The following WDR48 variants were observed in gnomAD, a reference collection of about 807,000 sequenced individuals.
WDR48 encodes the protein WD repeat domain 48, also known as WD repeat-containing protein 48.
Under a neutral mutation model 94.0 loss-of-function variants are expected in WDR48, and 22 were observed. That is an observed-to-expected ratio of 0.23 (90% CI 0.17 to 0.33). WDR48 has a LOEUF of 0.33. Ranked by LOEUF, WDR48 falls within the 10% of genes least tolerant of loss-of-function variation. The pLI, the probability that WDR48 is intolerant of heterozygous loss-of-function variation, is 1.00. For synonymous variants in WDR48, 278 were observed against 280.5 expected, an observed-to-expected ratio of 0.99 and a Z score of 0.09; for missense variants, 541 against 813.8, an observed-to-expected ratio of 0.66 and a Z score of 4.08.
chr3:39,088,026 G>T, intron 14 of WDR48, 102 bp from the exon 15 acceptor site: 3 of 1,101,086 alleles, frequency 2.7e-6, no homozygotes, highest in Non-Finnish European at 4.0e-6. Flanking sequence ...GAGGACATTT[G>T]AATTTAATCT....
At chr3:39,055,950 A>G (rs2032851264) in intron 1 of WDR48, among the ~76,000 whole-genome samples, 1 of 152,256 alleles carries the variant, frequency 6.6e-6, no homozygotes, top group Non-Finnish European at 1.5e-5. Context: ...AGCATTTAGA[A>G]TAGTGCCAGG....
chr3:39,062,244 A>G (rs1455472477), intron 1 of WDR48, among the ~76,000 whole-genome samples: 1 of 152,228 alleles, frequency 6.6e-6, no homozygotes, highest in African/African-American at 2.4e-5. Context: ...AAGTCTTAAC[A>G]TTTAAGTCTT....
chr3:39,072,816 A>G (rs2034012465), intron 7 of WDR48, among the ~76,000 whole-genome samples: 1 of 152,156 alleles, frequency 6.6e-6, no homozygotes, highest in Non-Finnish European at 1.5e-5. Context: ...TTCTTTAATT[A>G]TACTACCAAA....
chr3:39,070,609 A>C (rs981689899), intron 7 of WDR48, among the ~76,000 whole-genome samples: 5 of 152,202 alleles, frequency 3.3e-5, no homozygotes, highest in Admixed American at 3.3e-4. Flanking sequence ...AACTAGTCTA[A>C]GGAAGGAAAT....
In WDR48 at chr3:39,066,645, T is replaced by C. The variant is rs2033625149; in HGVS notation, c.351+15T>C. On this transcript the variant is annotated intron_variant, in intron 4 of 18. Transcript: ENST00000302313. ...GGACACATAAGGTAAAACAATACAG[T>C]TCTCAGTGTCTTTAGTGTAATATTG... is the stretch of plus-strand genomic sequence containing the variant. 1.2e-6 allele frequency: 2 copies of C among 1,613,554 alleles called. No individual in the cohort carries two copies. The highest frequency in any genetic ancestry group is 1.7e-5 in the Admixed American group (1 of 59,988).
At chr3:39,076,527 G>A (rs757531748) in intron 8 of WDR48, among the ~76,000 whole-genome samples, 1 of 152,322 alleles carries the variant, frequency 6.6e-6, no homozygotes, top group Non-Finnish European at 1.5e-5. Context: ...CTGCTAGCTA[G>A]GAGTCCTGCC....
At chr3:39,090,008 A>C (rs2035000729) in intron 16 of WDR48, 1 of 152,216 alleles carries the variant, frequency 6.6e-6, no homozygotes, top group South Asian at 2.1e-4. Context: ...AATTCCTAGA[A>C]GTGGAATTGC....
At chr3:39,083,898 A>C (rs2056614) in intron 11 of WDR48, among the ~76,000 whole-genome samples, 15,785 of 152,270 alleles carry the variant, frequency 0.1, 1,042 homozygotes, top group East Asian at 0.22. Flanking sequence ...GTTGCTGTTA[A>C]GATGAGGTGG....
intron 16 of WDR48, chr3:39,089,944 A>G (rs2034997999): frequency 1.3e-5 from 2 of 152,222 alleles, no homozygotes; most frequent in African/African-American, 2.4e-5. Context: ...TCTATTACAA[A>G]TAGTGCTGCA....
At chr3:39,063,460 C>T (rs922177750) in intron 2 of WDR48, among the ~76,000 whole-genome samples, 2 of 152,118 alleles carry the variant, frequency 1.3e-5, no homozygotes, top group Non-Finnish European at 2.9e-5. Context: ...AGTGATTTGG[C>T]TAGTAGGGGG....
At chr3:39,066,509 A>C (rs749120456) in intron 3 of WDR48, 39 bp from the exon 4 acceptor site, 7 of 1,564,358 alleles carry the variant, frequency 4.5e-6, no homozygotes, top group Non-Finnish European at 6.1e-6. Flanking sequence ...GTTTTAAGTC[A>C]TACTACTAAG....
intron 16 of WDR48, 159 bp from the exon 17 acceptor site, chr3:39,091,466 G>T: frequency 1.8e-6 from 1 of 541,724 alleles, no homozygotes; most frequent in African/African-American, 2.0e-5. Context: ...TTTTCTCGAA[G>T]GCTGACTTAG....
intron 1 of WDR48, among the ~76,000 whole-genome samples, chr3:39,062,368 C>G (rs1315075426): frequency 6.6e-6 from 1 of 152,170 alleles, no homozygotes; most frequent in Non-Finnish European, 1.5e-5. Context: ...TTCAGTTGAT[C>G]CCCTGTTTTC....
intron 7 of WDR48, among the ~76,000 whole-genome samples, chr3:39,073,514 C>T (rs1005488505): frequency 1.3e-5 from 2 of 152,188 alleles, no homozygotes; most frequent in Non-Finnish European, 2.9e-5. Flanking sequence ...TTCTTTGAAG[C>T]TCTGCTTACT....
At chr3:39,080,602 T>A (rs1046214260) in intron 11 of WDR48, among the ~76,000 whole-genome samples, 1 of 152,174 alleles carries the variant, frequency 6.6e-6, no homozygotes, top group Non-Finnish European at 1.5e-5. Context: ...GGGTCATAAA[T>A]GATGAAAAAG....
intron 7 of WDR48, among the ~76,000 whole-genome samples, chr3:39,071,071 C>G (rs2033909790): frequency 6.6e-6 from 1 of 151,506 alleles, no homozygotes; most frequent in South Asian, 2.1e-4. Context: ...TTTTCTTAAT[C>G]CAGTCTATCA....
chr3:39,083,163 C>T (rs2034624650), intron 11 of WDR48, among the ~76,000 whole-genome samples: 1 of 151,900 alleles, frequency 6.6e-6, no homozygotes, highest in Non-Finnish European at 1.5e-5. Context: ...AGGGCAAAAG[C>T]CAGGTAGAGT....
rs564386523 is a variant in WDR48 at position 39,068,105 on chromosome 3, A to G, written c.482-666A>G. ...ATATCACACTTTTTTTTAATACATA[A>G]TAATAAAAATAATACTAATAATGGC... On this transcript the variant is annotated intron_variant, in intron 5 of 18. Transcript: ENST00000302313. 8.5e-5 allele frequency among the ~76,000 whole-genome samples: 13 copies of G among 152,334 alleles called. No individual in the cohort carries two copies. In the East Asian group the frequency reaches 2.3e-3, roughly 27 times the overall value.
intron 14 of WDR48, among the ~76,000 whole-genome samples, chr3:39,087,392 A>T (rs1003825771): frequency 6.6e-6 from 1 of 152,224 alleles, no homozygotes; most frequent in African/African-American, 2.4e-5. Flanking sequence ...TGCCCTGCCC[A>T]GCAGCCTTGA....
Sources: allele counts gnomAD v4.1 joint callset (sites outside exome capture counted in the v4.1 genomes callset), GRCh38; gene constraint gnomAD v4.1.1; transcripts MANE v1.5; gene names NCBI Gene and HGNC (gene_info 2026-07-23, HGNC 2026-07-21).